ATP5F1B: variants seen among roughly 807,000 people sequenced by gnomAD.
The protein encoded by ATP5F1B is ATP synthase F(1) complex subunit beta, mitochondrial.
Under a neutral mutation model 45.9 loss-of-function variants are expected in ATP5F1B, and 17 were observed. The observed-to-expected ratio is 0.37, with a 90% CI of 0.25 to 0.56. ATP5F1B has a LOEUF of 0.56. ATP5F1B is among the 20% of genes least tolerant of loss of function. The probability of loss-of-function intolerance (pLI) is 0.80; values close to 1 mark genes in which losing one functional copy is unlikely to be tolerated. For synonymous variants in ATP5F1B, 218 were observed against 256.5 expected, an observed-to-expected ratio of 0.85 and a Z score of 1.43; for missense variants, 387 against 673.2, an observed-to-expected ratio of 0.57 and a Z score of 4.70.
chr12:56,644,665 T>G, intron 3 of ATP5F1B, 116 bp downstream of exon 3: 2 of 1,142,554 alleles, frequency 1.8e-6, no homozygotes, highest in Non-Finnish European at 2.4e-6. Flanking sequence ...TGTGTGATTT[T>G]AATAATCGAA....
chr12:56,641,050 TAAAAATTAA>T (rs1432644990), intron 7 of ATP5F1B, among the ~76,000 whole-genome samples: 12 of 146,126 alleles, frequency 8.2e-5, no homozygotes, highest in African/African-American at 3.0e-4. Flanking sequence ...CTCAAAAAAA[TAAAAATTAA>T]AAAAAATAAA....
In ATP5F1B at chr12:56,643,485, CCAACACCAG is replaced by C; in HGVS notation, c.701_709del (p.Ala234_Val236del). The C allele has an allele frequency of 6.2e-7, 1 of 1,614,116 alleles. No homozygotes were observed. ...ATCATTGCCTTCACGGGTCCTCTCA[CCAACACCAG>C]CAAACACAGAGTAACCACCATGGGC... On this transcript the variant is annotated inframe_deletion, in exon 5 of 10. Coordinates refer to ENST00000262030, the MANE Select transcript of ATP5F1B (RefSeq NM_001686.4).
intron 3 of ATP5F1B, among the ~76,000 whole-genome samples, chr12:56,644,275 T>G (rs1411487648): frequency 2.0e-5 from 3 of 151,924 alleles, no homozygotes; most frequent in Admixed American, 2.0e-4. Context: ...CTACAAGTTT[T>G]GGAGACTCCT....
At chr12:56,643,142 G>T in intron 5 of ATP5F1B, 1 of 482,502 alleles carries the variant, frequency 2.1e-6, no homozygotes, top group Non-Finnish European at 3.6e-6. Flanking sequence ...TCAAATGATG[G>T]GACTATCTAC....
In ATP5F1B at chr12:56,645,140, G is replaced by T. The variant is rs779411448; in HGVS notation, c.310+31C>A. The T allele has an allele frequency of 6.2e-6, 10 of 1,613,550 alleles. No homozygotes were observed. The African/African-American group carries it at 8.0e-5, about 13-fold the overall frequency. On this transcript the variant is annotated intron_variant, in intron 2 of 9. Transcript: ENST00000262030. ...TTTGGGGATATTTGGGCTACACAAG[G>T]TCTTTACTATTCCTAACAAACTCTA...
At chr12:56,638,487 T>C in intron 9 of ATP5F1B, 64 bp from the exon 10 acceptor site, 1 of 1,260,242 alleles carries the variant, frequency 7.9e-7, no homozygotes, top group East Asian at 2.3e-5. Flanking sequence ...TTCTGCATCA[T>C]GTAACATTCC....
intron 3 of ATP5F1B, among the ~76,000 whole-genome samples, chr12:56,644,572 C>T (rs1454928725): frequency 1.3e-5 from 2 of 151,696 alleles, no homozygotes; most frequent in African/African-American, 4.8e-5. Context: ...GAGCGAAACT[C>T]CCTCTCAAAA....
intron 6 of ATP5F1B, 39 bp from the exon 7 acceptor site, chr12:56,642,619 C>T: frequency 6.2e-7 from 1 of 1,614,000 alleles, no homozygotes; most frequent in Non-Finnish European, 8.5e-7. Flanking sequence ...ACATCCTTAG[C>T]CTCATCCGAA....
At position 56,639,311 on chromosome 12, in the gene ATP5F1B, TGAG is replaced by T. The variant is rs1298085938; in HGVS notation, c.1288-7_1288-5del. 4 of 1,611,966 alleles carry T rather than the reference TGAG, an allele frequency of 2.5e-6. No homozygotes were observed. The highest frequency in any genetic ancestry group is 2.5e-6 in the Non-Finnish European group (3 of 1,179,096). On this transcript the variant is annotated splice_polypyrimidine_tract_variant and splice_region_variant and intron_variant, in intron 8 of 9. Coordinates refer to ENST00000262030, the MANE Select transcript of ATP5F1B (RefSeq NM_001686.4). Reference sequence around the variant, plus strand: ...TATCCTGGAGGGATTTGTAGTCCTATGAGAAAAAAGAAGACTGAGTTAAGTATT... The same window carrying T: ...TATCCTGGAGGGATTTGTAGTCCTATAAAAAAGAAGACTGAGTTAAGTATT...
At chr12:56,640,253 G>C in intron 7 of ATP5F1B, 61 bp from the exon 8 acceptor site, 1 of 1,329,892 alleles carries the variant, frequency 7.5e-7, no homozygotes, top group Non-Finnish European at 1.0e-6. Context: ...TTTTTTGAGA[G>C]GGTCTCGCTC....
chr12:56,644,088 C>T (rs891419485), intron 3 of ATP5F1B, 130 bp from the exon 4 acceptor site: 29 of 1,033,536 alleles, frequency 2.8e-5, no homozygotes, highest in Non-Finnish European at 3.6e-5. Context: ...CCTCCCCTTT[C>T]TTACATAAAT....
At chr12:56,639,591 T>C (rs897783276) in intron 8 of ATP5F1B, among the ~76,000 whole-genome samples, 1 of 151,834 alleles carries the variant, frequency 6.6e-6, no homozygotes, top group Non-Finnish European at 1.5e-5. Context: ...GACCAACTGA[T>C]GAAACCTGGT....
intron 3 of ATP5F1B, among the ~76,000 whole-genome samples, chr12:56,644,289 C>T (rs1431495443): frequency 6.6e-6 from 1 of 151,792 alleles, no homozygotes; most frequent in African/African-American, 2.4e-5. Flanking sequence ...GACTCCTAAA[C>T]CTAAGCCATA....
chr12:56,645,765 C>G lies in ATP5F1B; in HGVS notation c.127+72G>C. The G allele has an allele frequency of 2.5e-6, 4 of 1,570,906 alleles. No homozygotes were observed. In the South Asian group the frequency reaches 3.5e-5, roughly 14 times the overall value. On this transcript the variant is annotated intron_variant, in intron 1 of 9. Transcript: ENST00000262030. Reference sequence around the variant, plus strand: ...ACACCACGGATCCCTTAGGCCCGAGCTACCATCGTTCCCCGGCTCAAGGTC... The same window carrying G: ...ACACCACGGATCCCTTAGGCCCGAGGTACCATCGTTCCCCGGCTCAAGGTC...
intron 5 of ATP5F1B, 103 bp downstream of exon 5, chr12:56,643,300 T>TA (rs1310601963): frequency 5.2e-6 from 6 of 1,144,818 alleles, no homozygotes; most frequent in Non-Finnish European, 1.2e-6. Context: ...AACATTTTCT[T>TA]AAAAAGAAAA....
Position 56,638,972 on chromosome 12 carries a change from C to CA in ATP5F1B, c.1489+133dup. On this transcript the variant is annotated intron_variant, in intron 9 of 9. Coordinates refer to ENST00000262030, the MANE Select transcript of ATP5F1B (RefSeq NM_001686.4). ...AAATTAAATGTAGAGTATTTTCAAA[C>CA]AAAATCAATGGGTAAGTTTGTTTTT... 6 of 847,408 alleles carry CA rather than the reference C, an allele frequency of 7.1e-6. No homozygotes were observed. In the South Asian group the frequency reaches 1.1e-4, roughly 16 times the overall value. 52.5% of individuals were successfully genotyped at this position (847,408 alleles called of 1,614,324 possible). A position where few individuals can be genotyped will look rare whatever the true frequency, so the allele number is the denominator to read the frequency against.
rs1291106769 is a variant in ATP5F1B, at chr12:56,643,493, A to G, written c.702T>C (p.Ala234=). ...AKAHGGYSVF[A]GVGERTREGN... The stretch of plus-strand genomic sequence containing the variant: ...CTTCACGGGTCCTCTCACCAACACC[A>G]GCAAACACAGAGTAACCACCATGGG... Residue 234 remains alanine (A), a synonymous_variant, in exon 5 of 10, where the codon GCT becomes GCC. Transcript: ENST00000262030. 1 of 1,614,174 alleles carries G rather than the reference A, an allele frequency of 6.2e-7. No homozygotes were observed. The highest frequency in any genetic ancestry group is 1.7e-5 in the Admixed American group (1 of 60,016).
chr12:56,645,804 A>ATGGAACGTTAGCTCCT, intron 1 of ATP5F1B, 33 bp downstream of exon 1: 1 of 1,601,070 alleles, frequency 6.2e-7, no homozygotes, highest in Non-Finnish European at 8.5e-7. Context: ...GGGCGGCAAA[A>ATGGAACGTTAGCTCCT]TGGAACGTTA....
At chr12:56,641,085 C>T (rs1469504011) in intron 7 of ATP5F1B, among the ~76,000 whole-genome samples, 2 of 151,662 alleles carry the variant, frequency 1.3e-5, no homozygotes, top group Non-Finnish European at 2.9e-5. Context: ...AAAAAAGAGG[C>T]TGGGCACAGT....
Sources: allele counts gnomAD v4.1 joint callset (sites outside exome capture counted in the v4.1 genomes callset), GRCh38; gene constraint gnomAD v4.1.1; transcripts MANE v1.5; gene names NCBI Gene and HGNC (gene_info 2026-07-23, HGNC 2026-07-21).